The following QTMAN variants were observed in gnomAD, a reference collection of about 807,000 sequenced individuals.
The protein encoded by QTMAN is tRNA-queuosine alpha-mannosyltransferase.
the QTMAN span, among the ~76,000 whole-genome samples, chr2:144,063,309 T>C: frequency 3.9e-5 from 6 of 152,134 alleles, no homozygotes; most frequent in African/African-American, 9.7e-5. Flanking sequence ...TCTGAGTCAA[T>C]TGATTGAGTC....
At chr2:144,007,439 T>C in the QTMAN span, 4 of 1,613,348 alleles carry the variant, frequency 2.5e-6, no homozygotes, top group Non-Finnish European at 3.4e-6. Flanking sequence ...CTCTCTGCTC[T>C]GGCTGAAAAG....
At chr2:144,192,161 C>A in the QTMAN span, among the ~76,000 whole-genome samples, 1 of 151,540 alleles carries the variant, frequency 6.6e-6, no homozygotes, top group Non-Finnish European at 1.5e-5. Context: ...GACTGAAGTA[C>A]AGTGGTGCAA....
chr2:144,034,620 G>GA, the QTMAN span, among the ~76,000 whole-genome samples: 113 of 149,480 alleles, frequency 7.6e-4, 1 homozygote, highest in East Asian at 0.011. Context: ...ATTTGAAAAT[G>GA]AAAAAAAAAA....
the QTMAN span, among the ~76,000 whole-genome samples, chr2:144,158,004 T>G: frequency 6.6e-6 from 1 of 152,020 alleles, no homozygotes; most frequent in Non-Finnish European, 1.5e-5. Context: ...AATCCCCATA[T>G]TTACATATAC....
chr2:144,133,207 A>T, the QTMAN span, among the ~76,000 whole-genome samples: 11 of 76,882 alleles, frequency 1.4e-4, no homozygotes, highest in Non-Finnish European at 2.2e-4. Context: ...ATATATATTT[A>T]TATATACATA....
chr2:144,250,284 C>T, the QTMAN span, among the ~76,000 whole-genome samples: 2 of 152,008 alleles, frequency 1.3e-5, no homozygotes, highest in Non-Finnish European at 2.9e-5. Flanking sequence ...GCTGGGTTTA[C>T]AGGCATGCAC....
chr2:144,112,035 G>A, the QTMAN span, among the ~76,000 whole-genome samples: 1 of 152,196 alleles, frequency 6.6e-6, no homozygotes, highest in African/African-American at 2.4e-5. Context: ...ATGTTTAAAT[G>A]AAGAATAACC....
the QTMAN span, among the ~76,000 whole-genome samples, chr2:144,136,848 C>T: frequency 6.4e-4 from 97 of 152,226 alleles, no homozygotes; most frequent in African/African-American, 2.3e-3. Flanking sequence ...TCTCATCTCA[C>T]CAAGTCTCAG....
At chr2:144,266,538 C>G in the QTMAN span, among the ~76,000 whole-genome samples, 1 of 152,156 alleles carries the variant, frequency 6.6e-6, no homozygotes. Context: ...AGACATTGTA[C>G]CAATCGATAG....
chr2:144,157,630 T>C, the QTMAN span, among the ~76,000 whole-genome samples: 1 of 152,042 alleles, frequency 6.6e-6, no homozygotes, highest in East Asian at 1.9e-4. Context: ...TGTCCAATTA[T>C]TTTTGTGTTG....
At chr2:144,089,609 T>C in the QTMAN span, among the ~76,000 whole-genome samples, 1 of 151,924 alleles carries the variant, frequency 6.6e-6, no homozygotes, top group Non-Finnish European at 1.5e-5. Flanking sequence ...TACTATTTGG[T>C]CATAAAAAAA....
At chr2:144,010,061 CCA>C in the QTMAN span, among the ~76,000 whole-genome samples, 1 of 124,254 alleles carries the variant, frequency 8.0e-6, no homozygotes, top group Admixed American at 8.5e-5. Flanking sequence ...GAAGGATTCA[CCA>C]AAAAAAAAAA....
the QTMAN span, among the ~76,000 whole-genome samples, chr2:144,042,978 CA>C: frequency 6.6e-6 from 1 of 152,002 alleles, no homozygotes; most frequent in East Asian, 1.9e-4. Flanking sequence ...TTCAGAGCAC[CA>C]AAGAGTTTCA....
the QTMAN span, among the ~76,000 whole-genome samples, chr2:144,277,739 T>C: frequency 6.6e-6 from 1 of 152,164 alleles, no homozygotes; most frequent in Non-Finnish European, 1.5e-5. Context: ...AACTATCATC[T>C]ATTTTAAGAT....
At chr2:143,962,509 C>A in the QTMAN span, among the ~76,000 whole-genome samples, 1 of 152,128 alleles carries the variant, frequency 6.6e-6, no homozygotes, top group Non-Finnish European at 1.5e-5. Context: ...TATTGTTATA[C>A]TATTATGATT....
At chr2:144,134,435 C>T in the QTMAN span, among the ~76,000 whole-genome samples, 1 of 152,176 alleles carries the variant, frequency 6.6e-6, no homozygotes, top group South Asian at 2.1e-4. Context: ...CCCCAAATGA[C>T]CAACATCCTT....
the QTMAN span, among the ~76,000 whole-genome samples, chr2:143,967,930 T>C: frequency 0.039 from 5,937 of 152,244 alleles, 386 homozygotes; most frequent in African/African-American, 0.14. Flanking sequence ...TTAATATTCA[T>C]GAACAGCTTA....
chr2:144,117,666 G>C, the QTMAN span, among the ~76,000 whole-genome samples: 3 of 152,168 alleles, frequency 2.0e-5, no homozygotes, highest in African/African-American at 7.2e-5. Flanking sequence ...AAATAGGTCA[G>C]TGTGAGCTGA....
At chr2:144,036,011 T>C in the QTMAN span, among the ~76,000 whole-genome samples, 2 of 152,192 alleles carry the variant, frequency 1.3e-5, no homozygotes, top group Admixed American at 6.5e-5. Flanking sequence ...AATTTCCTGG[T>C]TGGTGGAAAT....
Sources: gnomAD v4.1 joint callset for allele counts (sites outside exome capture counted in the v4.1 genomes callset) on GRCh38, gnomAD v4.1.1 for gene constraint, MANE v1.5 for transcripts, NCBI Gene and HGNC (gene_info 2026-07-23, HGNC 2026-07-21) for gene names.